Variants in NCOA1 observed in about 807,000 individuals in gnomAD.
NCOA1 encodes the protein nuclear receptor coactivator 1, also known as Hin-2 protein.
Under a neutral mutation model 150.9 loss-of-function variants are expected in NCOA1, and 35 were observed. That is an observed-to-expected ratio of 0.23 (90% CI 0.18 to 0.31). NCOA1 has a LOEUF of 0.31. Ranked by LOEUF, NCOA1 falls within the 10% of genes least tolerant of loss-of-function variation. The probability of loss-of-function intolerance (pLI) is 1.00; values close to 1 mark genes in which losing one functional copy is unlikely to be tolerated. For synonymous variants in NCOA1, 590 were observed against 630.0 expected (o/e 0.94, Z 0.95); for missense variants, 1,491 against 1,749.3 (o/e 0.85, Z 2.63).
chr2:24,578,179 A>G (rs779168878), intron 2 of NCOA1, among the ~76,000 whole-genome samples: 16 of 152,208 alleles, frequency 1.1e-4, no homozygotes, highest in Admixed American at 2.6e-4. Context: ...AATCTAGTTT[A>G]GTAATTTAGT....
At chr2:24,567,073 G>A (rs1666544757) in intron 2 of NCOA1, among the ~76,000 whole-genome samples, 1 of 152,224 alleles carries the variant, frequency 6.6e-6, no homozygotes, top group South Asian at 2.1e-4. Context: ...TGCTCTAGAT[G>A]GGCCGCTGCT....
At chr2:24,710,300 C>G (rs1185072929) in intron 13 of NCOA1, among the ~76,000 whole-genome samples, 3 of 151,966 alleles carry the variant, frequency 2.0e-5, no homozygotes, top group African/African-American at 7.3e-5. Context: ...CCATGTTGGC[C>G]AGGCTGGTCT....
At chr2:24,609,743 A>G (rs1014385960) in intron 3 of NCOA1, among the ~76,000 whole-genome samples, 7 of 151,548 alleles carry the variant, frequency 4.6e-5, no homozygotes, top group Non-Finnish European at 8.8e-5. Context: ...TTTCTTGGTG[A>G]GGAAATTCTT....
At chr2:24,605,158 A>C (rs566727080) in intron 3 of NCOA1, among the ~76,000 whole-genome samples, 73 of 152,292 alleles carry the variant, frequency 4.8e-4, no homozygotes, top group Non-Finnish European at 8.4e-4. Context: ...ACCATAAGAG[A>C]GATAATAATA....
chr2:24,608,704 GTTTTTTTTT>G (rs56710627), intron 3 of NCOA1, among the ~76,000 whole-genome samples: 1 of 117,334 alleles, frequency 8.5e-6, no homozygotes. Context: ...TTGTTGTTGT[GTTTTTTTTT>G]TTTTTTTTTC....
chr2:24,740,101 A>G (rs536829371), intron 18 of NCOA1, among the ~76,000 whole-genome samples: 3 of 152,174 alleles, frequency 2.0e-5, no homozygotes, highest in East Asian at 1.9e-4. Context: ...TGTTTCAACT[A>G]CTTACTTTTA....
chr2:24,495,131 G>A (rs1318944574), intron 1 of NCOA1, among the ~76,000 whole-genome samples: 4 of 147,216 alleles, frequency 2.7e-5, no homozygotes, highest in Non-Finnish European at 6.0e-5. Flanking sequence ...CTTAGTTCTG[G>A]AAAATGGTTT....
intron 4 of NCOA1, among the ~76,000 whole-genome samples, chr2:24,657,989 CT>C (rs1315638810): frequency 6.6e-6 from 1 of 152,204 alleles, no homozygotes; most frequent in East Asian, 1.9e-4. Context: ...CAGTTGCTAA[CT>C]GGTGCAACAT....
At chr2:24,510,856 A>T (rs1263255783) in intron 1 of NCOA1, among the ~76,000 whole-genome samples, 1 of 152,184 alleles carries the variant, frequency 6.6e-6, no homozygotes, top group African/African-American at 2.4e-5. Flanking sequence ...CTTGAGATAT[A>T]AATCATATTC....
At chr2:24,529,451 C>A (rs1374514550) in intron 1 of NCOA1, among the ~76,000 whole-genome samples, 1 of 152,216 alleles carries the variant, frequency 6.6e-6, no homozygotes. Flanking sequence ...CCCTGGCCTC[C>A]TGAGTAGCTA....
At chr2:24,695,663 G>GA (rs1445130524) in intron 10 of NCOA1, among the ~76,000 whole-genome samples, 1 of 152,010 alleles carries the variant, frequency 6.6e-6, no homozygotes, top group Non-Finnish European at 1.5e-5. Flanking sequence ...CTTAAAAAAA[G>GA]AAAAAAGTAT....
At chr2:24,640,942 A>C (rs1292208710) in intron 3 of NCOA1, among the ~76,000 whole-genome samples, 1 of 152,026 alleles carries the variant, frequency 6.6e-6, no homozygotes, top group Admixed American at 6.6e-5. Context: ...TAATGTAATT[A>C]ATGTGGTTGG....
intron 11 of NCOA1, among the ~76,000 whole-genome samples, chr2:24,704,835 T>A (rs911616603): frequency 5.3e-5 from 8 of 151,978 alleles, no homozygotes; most frequent in Admixed American, 4.6e-4. Flanking sequence ...CTCATAATTA[T>A]AACTTCTCTG....
At chr2:24,744,380 G>T (rs1048925049) in intron 19 of NCOA1, among the ~76,000 whole-genome samples, 2 of 152,234 alleles carry the variant, frequency 1.3e-5, no homozygotes, top group Non-Finnish European at 2.9e-5. Flanking sequence ...AGGGCTGTCA[G>T]TTCTTCCATG....
In NCOA1 at chr2:24,729,746, A is replaced by G. The variant is rs1348377770; in HGVS notation, c.3132A>G (p.Leu1044=). The G allele has an allele frequency of 6.2e-7, 1 of 1,614,056 alleles. No homozygotes were observed. The highest frequency in any genetic ancestry group is 1.3e-5 in the African/African-American group (1 of 74,916). Residue 1044 remains leucine, a synonymous_variant, in exon 17 of 23, where the codon CTA becomes CTG. Transcript: ENST00000348332. The stretch of plus-strand genomic sequence containing the variant: ...TGGGCATGCAGCCCAGGCAAACTCT[A>G]AACAGACCTCCGGCTGCACCTAACC... ...PGMGMQPRQT[L]NRPPAAPNQL...
At chr2:24,636,958 G>A (rs993874390) in intron 3 of NCOA1, among the ~76,000 whole-genome samples, 25 of 151,644 alleles carry the variant, frequency 1.6e-4, no homozygotes, top group Admixed American at 5.3e-4. Context: ...ACATATTTAT[G>A]GGATACATAG....
chr2:24,501,882 A>G (rs1423822977), intron 1 of NCOA1, among the ~76,000 whole-genome samples: 1 of 152,200 alleles, frequency 6.6e-6, no homozygotes, highest in Non-Finnish European at 1.5e-5. Context: ...GGACCTCAGT[A>G]ACTCTACTCA....
intron 3 of NCOA1, among the ~76,000 whole-genome samples, chr2:24,605,796 A>G (rs1668336451): frequency 1.3e-5 from 2 of 152,208 alleles, no homozygotes; most frequent in Non-Finnish European, 1.5e-5. Flanking sequence ...GAGTAGAAGT[A>G]ATCTATGCCA....
intron 1 of NCOA1, among the ~76,000 whole-genome samples, chr2:24,562,690 T>G (rs910785462): frequency 6.6e-6 from 1 of 152,162 alleles, no homozygotes. Flanking sequence ...CACATGGTTG[T>G]GTGATTTTTC....
Sources: gnomAD v4.1 joint callset for allele counts (sites outside exome capture counted in the v4.1 genomes callset) on GRCh38, gnomAD v4.1.1 for gene constraint, MANE v1.5 for transcripts, NCBI Gene and HGNC (gene_info 2026-07-23, HGNC 2026-07-21) for gene names.